Variants in GRIK4 observed in about 807,000 individuals in gnomAD.
GRIK4 encodes glutamate receptor ionotropic, kainate 4.
In GRIK4, 40 loss-of-function variants were observed where a neutral mutation model predicts 104.9. The ratio of observed to expected loss-of-function variants is 0.38; its 90% CI spans 0.30 to 0.50. GRIK4 has a LOEUF of 0.50. Ranked by LOEUF, GRIK4 falls within the 20% of genes least tolerant of loss-of-function variation. The pLI, the probability that GRIK4 is intolerant of heterozygous loss-of-function variation, is 0.93. For synonymous variants in GRIK4, 485 were observed against 524.9 expected, an observed-to-expected ratio of 0.92 and a Z score of 1.04; for missense variants, 1,047 against 1,308.1, an observed-to-expected ratio of 0.80 and a Z score of 3.08.
chr11:120,545,548 A>G (rs554574222), intron 1 of GRIK4, among the ~76,000 whole-genome samples: 7 of 152,200 alleles, frequency 4.6e-5, no homozygotes, highest in Middle Eastern at 3.2e-3. Flanking sequence ...TCTTTTGTGT[A>G]TGAGGAAAAC....
chr11:120,962,284 GACAGTGA>G (rs1944301197), intron 17 of GRIK4, among the ~76,000 whole-genome samples, 165 bp from the exon 18 acceptor site: 1 of 152,176 alleles, frequency 6.6e-6, no homozygotes, highest in African/African-American at 2.4e-5. Context: ...ATTACACAGT[GACAGTGA>G]ACATCTTGTG....
In GRIK4 at chr11:120,511,848, C is replaced by T. The variant is rs1304137205; in HGVS notation, c.-198C>T. ...AGCCCCGCGGCCGGCCCGGCAGCGC[C>T]CGGCCCCCGGCTCAGCCCCCGGAGT... On this transcript the variant is annotated 5_prime_UTR_variant, in exon 1 of 21. Transcript: ENST00000527524. 6 of 349,592 alleles carry T rather than the reference C, an allele frequency of 1.7e-5. No individual in the cohort carries two copies. Among genetic ancestry groups the T allele is most frequent in the Non-Finnish European group, 3.5e-5 (6 of 171,612 alleles). 21.7% of individuals were successfully genotyped at this position (349,592 alleles called of 1,614,324 possible).
At chr11:120,697,573 C>T (rs1240333644) in intron 3 of GRIK4, among the ~76,000 whole-genome samples, 2 of 152,182 alleles carry the variant, frequency 1.3e-5, no homozygotes, top group Admixed American at 6.5e-5. Flanking sequence ...CGAGATTGCA[C>T]CATTGCACTC....
chr11:120,854,056 T>A (rs2135606119), intron 8 of GRIK4, among the ~76,000 whole-genome samples: 1 of 152,366 alleles, frequency 6.6e-6, no homozygotes, highest in African/African-American at 2.4e-5. Context: ...CACTTCCAAT[T>A]GTGGTCGGGA....
At chr11:120,638,569 C>T (rs1245630884) in intron 1 of GRIK4, among the ~76,000 whole-genome samples, 1 of 151,862 alleles carries the variant, frequency 6.6e-6, no homozygotes, top group Non-Finnish European at 1.5e-5. Context: ...GCTCCGCCTC[C>T]TGGGTTCACG....
At chr11:120,972,821 A>G (rs1029361805) in intron 19 of GRIK4, among the ~76,000 whole-genome samples, 2 of 152,130 alleles carry the variant, frequency 1.3e-5, no homozygotes, top group Non-Finnish European at 2.9e-5. Context: ...GTACTGTGGT[A>G]TGACGCATAT....
At chr11:120,864,742 A>G (rs948804699) in intron 9 of GRIK4, among the ~76,000 whole-genome samples, 1 of 152,238 alleles carries the variant, frequency 6.6e-6, no homozygotes, top group Non-Finnish European at 1.5e-5. Flanking sequence ...ACGAGCAGAC[A>G]GATGAGGGTC....
At chr11:120,922,779 T>A (rs1943252693) in intron 13 of GRIK4, among the ~76,000 whole-genome samples, 1 of 152,202 alleles carries the variant, frequency 6.6e-6, no homozygotes, top group Admixed American at 6.5e-5. Flanking sequence ...GAGAGTCCTG[T>A]TGTATTACAC....
chr11:120,959,616 G>A (rs1944244586), intron 16 of GRIK4, among the ~76,000 whole-genome samples: 1 of 152,222 alleles, frequency 6.6e-6, no homozygotes, highest in Non-Finnish European at 1.5e-5. Flanking sequence ...CCAGATGGGA[G>A]AAGGCTTGTT....
At chr11:120,721,810 A>T (rs542816996) in intron 3 of GRIK4, among the ~76,000 whole-genome samples, 1 of 152,294 alleles carries the variant, frequency 6.6e-6, no homozygotes, top group African/African-American at 2.4e-5. Flanking sequence ...TGGGAGGGGC[A>T]GTCTCTCCCG....
At chr11:120,957,081 C>A in intron 16 of GRIK4, 128 bp downstream of exon 16, 1 of 780,610 alleles carries the variant, frequency 1.3e-6, no homozygotes, top group Non-Finnish European at 1.9e-6. Flanking sequence ...ACGCAGGAAG[C>A]CGAGTGCTTT....
chr11:120,586,244 C>G (rs951345816), intron 1 of GRIK4, among the ~76,000 whole-genome samples: 6 of 151,864 alleles, frequency 4.0e-5, no homozygotes, highest in African/African-American at 1.5e-4. Context: ...AGGAGTTTGC[C>G]AAGAGATAAT....
At chr11:120,670,623 T>C (rs1949999540) in intron 3 of GRIK4, among the ~76,000 whole-genome samples, 1 of 152,266 alleles carries the variant, frequency 6.6e-6, no homozygotes, top group African/African-American at 2.4e-5. Context: ...TCTCATGCCA[T>C]GCAGGTCATG....
chr11:120,817,017 G>A (rs995569638), intron 5 of GRIK4, among the ~76,000 whole-genome samples: 1 of 152,308 alleles, frequency 6.6e-6, no homozygotes, highest in Middle Eastern at 3.4e-3. Flanking sequence ...GCGGCACTCT[G>A]AGAAACAGCT....
chr11:120,745,795 A>G (rs1951428284), intron 3 of GRIK4, among the ~76,000 whole-genome samples: 1 of 152,236 alleles, frequency 6.6e-6, no homozygotes, highest in South Asian at 2.1e-4. Flanking sequence ...AGAAAGAGAT[A>G]GAGCTTGTTT....
chr11:120,597,719 A>AT (rs1240459863), intron 1 of GRIK4, among the ~76,000 whole-genome samples: 1 of 152,102 alleles, frequency 6.6e-6, no homozygotes, highest in Non-Finnish European at 1.5e-5. Flanking sequence ...TGATTTCCTA[A>AT]TACAGTGCAG....
intron 3 of GRIK4, among the ~76,000 whole-genome samples, chr11:120,785,057 C>T (rs1314892571): frequency 2.0e-5 from 3 of 152,132 alleles, no homozygotes; most frequent in East Asian, 1.9e-4. Flanking sequence ...CCCAGCAGCC[C>T]CCATCACTCC....
intron 3 of GRIK4, among the ~76,000 whole-genome samples, chr11:120,757,885 C>T (rs1489912141): frequency 6.6e-6 from 1 of 152,164 alleles, no homozygotes; most frequent in African/African-American, 2.4e-5. Context: ...TTCAGCTTCT[C>T]CACTGGAGCA....
At chr11:120,933,456 G>A (rs568602260) in intron 13 of GRIK4, among the ~76,000 whole-genome samples, 1 of 152,252 alleles carries the variant, frequency 6.6e-6, no homozygotes, top group East Asian at 1.9e-4. Context: ...CTCAACAATT[G>A]TAGGAGCTAG....
Sources: allele counts gnomAD v4.1 joint callset (sites outside exome capture counted in the v4.1 genomes callset), GRCh38; gene constraint gnomAD v4.1.1; transcripts MANE v1.5; gene names NCBI Gene and HGNC (gene_info 2026-07-23, HGNC 2026-07-21).